Variants in PLG observed in about 807,000 individuals in gnomAD.
The protein encoded by PLG is plasminogen, also known as plasmin.
A neutral mutation model predicts 104.4 loss-of-function variants in PLG; 41 were observed. That is an observed-to-expected ratio of 0.39 (90% CI 0.31 to 0.51). PLG has a LOEUF of 0.51. Among genes scored for constraint, PLG ranks in the 20% least tolerant of loss-of-function variants. The probability of loss-of-function intolerance (pLI) is 0.76; values close to 1 mark genes in which losing one functional copy is unlikely to be tolerated. For synonymous variants in PLG, 337 were observed against 357.1 expected, an observed-to-expected ratio of 0.94 and a Z score of 0.63; for missense variants, 891 against 1,003.6, an observed-to-expected ratio of 0.89 and a Z score of 1.52.
rs1424110924 is a variant in PLG, at chr6:160,724,715, T to A, written c.1256+2148T>A. Reference sequence around the variant, plus strand: ...TAGAAAAAAATAAAAAAGATTAACATAGAATGTTATATCCAGCAAAAATAT... The same window carrying A: ...TAGAAAAAAATAAAAAAGATTAACAAAGAATGTTATATCCAGCAAAAATAT... On this transcript the variant is annotated intron_variant, in intron 10 of 18. Coordinates refer to ENST00000308192, the MANE Select transcript of PLG (RefSeq NM_000301.5). The surrounding 1 kb of genome is among the most constrained non-coding windows in gnomAD (Gnocchi z 5.0). 6.6e-6 allele frequency among the ~76,000 whole-genome samples: 1 copy of A among 152,152 alleles called. No homozygotes were observed. Among genetic ancestry groups the A allele is most frequent in the Non-Finnish European group, 1.5e-5 (1 of 68,022 alleles).
At chr6:160,727,737 G>A (rs148000111) in intron 10 of PLG, among the ~76,000 whole-genome samples, 19 of 152,020 alleles carry the variant, frequency 1.2e-4, no homozygotes, top group African/African-American at 3.4e-4. Context: ...ACTTATCCAT[G>A]ATAAAATGTC....
rs1323604038 is a variant in PLG at position 160,735,520 on chromosome 6, T to G, written c.1682-1367T>G. On this transcript the variant is annotated intron_variant, in intron 13 of 18. Transcript: ENST00000308192. This position sits in a 1 kb window ranked among gnomAD's most constrained non-coding sequence, Gnocchi z 5.4. ...GACTGTGAGGTCCCCCACCTAACCT[T>G]GATGTGAGACAAGTGAGGTTAACCC... Among the ~76,000 whole-genome samples the G allele has an allele frequency of 6.6e-6, 1 of 152,130 alleles. No individual in the cohort carries two copies. Among genetic ancestry groups the G allele is most frequent in the African/African-American group, 2.4e-5 (1 of 41,434 alleles).
chr6:160,715,855 G>C (rs1777719239), intron 6 of PLG, among the ~76,000 whole-genome samples: 1 of 152,242 alleles, frequency 6.6e-6, no homozygotes, highest in South Asian at 2.1e-4. Context: ...GAAGAGGATT[G>C]CTTAAGCCGC....
intron 17 of PLG, among the ~76,000 whole-genome samples, chr6:160,751,351 C>G (rs1158198793): frequency 6.6e-6 from 1 of 152,190 alleles, no homozygotes; most frequent in Non-Finnish European, 1.5e-5. Flanking sequence ...CCTCCTTACG[C>G]CTCAGTTTCC....
At position 160,739,811 on chromosome 6, in the gene PLG, C is replaced by A. The variant is rs1778158666; in HGVS notation, c.2018+603C>A. On this transcript the variant is annotated intron_variant, in intron 16 of 18. Coordinates refer to ENST00000308192, the MANE Select transcript of PLG (RefSeq NM_000301.5). The surrounding 1 kb of genome is among the most constrained non-coding windows in gnomAD (Gnocchi z 4.4). ...AAAACAAACAAAAAAAAAACAACTT[C>A]ACAATGTCAAAAAAATCACAAATAC... is the stretch of plus-strand genomic sequence containing the variant. Among the ~76,000 whole-genome samples the A allele has an allele frequency of 1.3e-5, 2 of 150,524 alleles. No individual in the cohort carries two copies. Among genetic ancestry groups the A allele is most frequent in the Non-Finnish European group, 1.5e-5 (1 of 67,714 alleles).
At position 160,732,070 on chromosome 6, in the gene PLG, G is replaced by A. The variant is rs1010922533; in HGVS notation, c.1587+177G>A. Among the ~76,000 whole-genome samples, 2 of 152,166 alleles carry A rather than the reference G, an allele frequency of 1.3e-5. No individual in the cohort carries two copies. The highest frequency in any genetic ancestry group is 1.3e-4 in the Admixed American group (2 of 15,286). ...CTAAGCTAGAATATAATTGGCCTTA[G>A]TATGGAAAGTACAAGCAGCACAGGC... On this transcript the variant is annotated intron_variant, in intron 12 of 18. Coordinates refer to ENST00000308192, the MANE Select transcript of PLG (RefSeq NM_000301.5). The surrounding 1 kb of genome is among the most constrained non-coding windows in gnomAD (Gnocchi z 4.5).
rs1003082787 is a variant in PLG at position 160,744,424 on chromosome 6, T to A, written c.2125+3007T>A. Among the ~76,000 whole-genome samples the A allele has an allele frequency of 2.6e-5, 4 of 152,224 alleles. No individual in the cohort carries two copies. Among genetic ancestry groups the A allele is most frequent in the African/African-American group, 9.6e-5 (4 of 41,464 alleles). On this transcript the variant is annotated intron_variant, in intron 17 of 18. Coordinates refer to ENST00000308192, the MANE Select transcript of PLG (RefSeq NM_000301.5). The surrounding 1 kb of genome is among the most constrained non-coding windows in gnomAD (Gnocchi z 4.5). Reference sequence around the variant, plus strand: ...TGTCCAGGAATTTATCCATCTCTTTTAGGTTTTCTAGTTTGTGTGCATGGA... The same window carrying A: ...TGTCCAGGAATTTATCCATCTCTTTAAGGTTTTCTAGTTTGTGTGCATGGA...
In PLG at chr6:160,711,812, T is replaced by C. The variant is rs969716483; in HGVS notation, c.407+621T>C. 2.8e-5 allele frequency: 42 copies of C among 1,507,098 alleles called. No individual in the cohort carries two copies. In the African/African-American group the frequency reaches 5.7e-4, roughly 20 times the overall value. The allele number at this position is 1,507,098 out of a possible 1,614,324, so 93.4% of individuals were successfully genotyped here. Reference sequence around the variant, plus strand: ...TAAGCATATCAGGTTAGAACTCTCATCACATGTTCGACTCAAATTGTGGAG... The same window carrying C: ...TAAGCATATCAGGTTAGAACTCTCACCACATGTTCGACTCAAATTGTGGAG... On this transcript the variant is annotated intron_variant, in intron 4 of 18. Coordinates refer to ENST00000308192, the MANE Select transcript of PLG (RefSeq NM_000301.5).
In PLG at chr6:160,736,892, C is replaced by T; in HGVS notation, c.1687C>T (p.Pro563Ser). 6.2e-7 allele frequency: 1 copy of T among 1,613,886 alleles called. No homozygotes were observed. Among genetic ancestry groups the T allele is most frequent in the Non-Finnish European group, 8.5e-7 (1 of 1,179,866 alleles). ...DYCDVPQCAAPSFDCGKPQVE... is the reference protein window; with the variant it reads ...DYCDVPQCAASSFDCGKPQVE... ...TTTCCCACCTTGTGCCACAGCGGCC[C>T]CTTCATTTGATTGTGGGAAGCCTCA... Residue 563 changes from proline to serine, a missense_variant, in exon 14 of 19, where the codon CCT becomes TCT. Physicochemically the swap from Pro to Ser is moderately conservative, Grantham distance 74. This residue lies in a region of PLG where 854 missense variants were observed against 932.1 expected (regional missense o/e 0.92). Transcript: ENST00000308192. The surrounding 1 kb of genome is among the most constrained non-coding windows in gnomAD (Gnocchi z 5.2).
At chr6:160,704,907 C>T (rs1359404147) in intron 1 of PLG, among the ~76,000 whole-genome samples, 1 of 152,218 alleles carries the variant, frequency 6.6e-6, no homozygotes, top group Admixed American at 6.5e-5. Context: ...TGCTTTCCTA[C>T]TGGATACTTG....
At position 160,714,891 on chromosome 6, in the gene PLG, C is replaced by G; in HGVS notation, c.645C>G (p.His215Gln). 6.2e-7 allele frequency: 1 copy of G among 1,613,722 alleles called. No homozygotes were observed. Among genetic ancestry groups the G allele is most frequent in the Non-Finnish European group, 8.5e-7 (1 of 1,179,682 alleles). Residue 215 changes from histidine (H) to glutamine (Q), a missense_variant, in exon 6 of 19, where the codon CAC (histidine) becomes CAG (glutamine). Transcript: ENST00000308192. Reference sequence around the variant, plus strand: ...AGGCCTGGGACTCTCAGAGCCCACACGCTCATGGATACATTCCTTCCAAGT... The same window carrying G: ...AGGCCTGGGACTCTCAGAGCCCACAGGCTCATGGATACATTCCTTCCAAGT... The part of the protein sequence containing the change: ...ECQAWDSQSP[H>Q]AHGYIPSKFP...
intron 17 of PLG, among the ~76,000 whole-genome samples, chr6:160,749,232 A>C (rs907527233): frequency 6.6e-6 from 1 of 152,154 alleles, no homozygotes; most frequent in Non-Finnish European, 1.5e-5. Flanking sequence ...GGTCATTGTG[A>C]GGATTAAGAT....
rs1562379511 is a variant in PLG, at chr6:160,735,008, C to T, written c.1681+920C>T. Among the ~76,000 whole-genome samples, 2 of 152,088 alleles carry T rather than the reference C, an allele frequency of 1.3e-5. No homozygotes were observed. The highest frequency in any genetic ancestry group is 2.9e-5 in the Non-Finnish European group (2 of 68,032). On this transcript the variant is annotated intron_variant, in intron 13 of 18. Transcript: ENST00000308192. The surrounding 1 kb of genome is among the most constrained non-coding windows in gnomAD (Gnocchi z 5.4). ...AGTGATGAAGATCATGGGAGCCACA[C>T]TGCCCAGCTTCGCATTTGGGCTTCT... is the stretch of plus-strand genomic sequence containing the variant.
rs1778081020 is a variant in PLG, at chr6:160,736,191, T to A, written c.1682-696T>A. On this transcript the variant is annotated intron_variant, in intron 13 of 18. Transcript: ENST00000308192. The surrounding 1 kb of genome is among the most constrained non-coding windows in gnomAD (Gnocchi z 5.2). ...GGTACCAAAGATGGGACACTGTCCC[T>A]ACCTCCAGAGACCCTGTGGGCTGGC... Among the ~76,000 whole-genome samples, 2 of 152,204 alleles carry A rather than the reference T, an allele frequency of 1.3e-5. No individual in the cohort carries two copies.
At chr6:160,704,362 G>A (rs189458646) in intron 1 of PLG, among the ~76,000 whole-genome samples, 1 of 152,172 alleles carries the variant, frequency 6.6e-6, no homozygotes, top group Non-Finnish European at 1.5e-5. Flanking sequence ...ATAACACAGA[G>A]AACTTAATTG....
rs1370714248 is a variant in PLG at position 160,739,048 on chromosome 6, G to C, written c.1878-20G>C. 1 of 1,613,784 alleles carries C rather than the reference G, an allele frequency of 6.2e-7. No individual in the cohort carries two copies. Among genetic ancestry groups the C allele is most frequent in the Non-Finnish European group, 8.5e-7 (1 of 1,179,810 alleles). On this transcript the variant is annotated intron_variant, in intron 15 of 18. Transcript: ENST00000308192. The surrounding 1 kb of genome is among the most constrained non-coding windows in gnomAD (Gnocchi z 4.4). ...AGGGGCTGGACCATATTTTCCTCTT[G>C]ACGTCCTCATCTTTTCTAGGTCCCC...
Position 160,752,338 on chromosome 6 carries a change from G to A in PLG, c.2271+78G>A, listed in dbSNP as rs1778417846. The stretch of plus-strand genomic sequence containing the variant: ...TCAGCCCCTCAGACTTCATTCCCCA[G>A]GTGGCAAATTCAAGGATTTTCAACC... On this transcript the variant is annotated intron_variant, in intron 18 of 18. Transcript: ENST00000308192. This position sits in a 1 kb window ranked among gnomAD's most constrained non-coding sequence, Gnocchi z 4.7. 17 of 1,379,482 alleles carry A rather than the reference G, an allele frequency of 1.2e-5. No homozygotes were observed. The Admixed American group carries it at 2.5e-4, about 21-fold the overall frequency. The allele number at this position is 1,379,482 out of a possible 1,614,324, so 85.5% of individuals were successfully genotyped here.
Position 160,703,402 on chromosome 6 carries a change from C to T in PLG, c.49+1049C>T, listed in dbSNP as rs1456466598. 7.2e-5 allele frequency among the ~76,000 whole-genome samples: 11 copies of T among 152,258 alleles called. No individual in the cohort carries two copies. In the South Asian group the frequency reaches 2.3e-3, roughly 32 times the overall value. On this transcript the variant is annotated intron_variant, in intron 1 of 18. Coordinates refer to ENST00000308192, the MANE Select transcript of PLG (RefSeq NM_000301.5). ...ATAAATTTTAAAACTATTCATACCC[C>T]CAAAAACGCACTCCACTCTCCTTAG... is the stretch of plus-strand genomic sequence containing the variant.
rs1432332099 is a variant in PLG at position 160,735,230 on chromosome 6, C to T, written c.1681+1142C>T. Among the ~76,000 whole-genome samples, 1 of 152,178 alleles carries T rather than the reference C, an allele frequency of 6.6e-6. No individual in the cohort carries two copies. Among genetic ancestry groups the T allele is most frequent in the Non-Finnish European group, 1.5e-5 (1 of 68,034 alleles). On this transcript the variant is annotated intron_variant, in intron 13 of 18. Transcript: ENST00000308192. The surrounding 1 kb of genome is among the most constrained non-coding windows in gnomAD (Gnocchi z 5.4). ...GTCAGTTCCAGTTCTCCACTTCTGG[C>T]CCCATCTGGTACACACCACTGCCTC... is the stretch of plus-strand genomic sequence containing the variant.
Sources: gnomAD v4.1 joint callset for allele counts (sites outside exome capture counted in the v4.1 genomes callset) on GRCh38, gnomAD v4.1.1 for gene constraint, gnomAD v4.1.1 regional missense constraint, Gnocchi (gnomAD v3.1) non-coding constraint, MANE v1.5 for transcripts, NCBI Gene and HGNC (gene_info 2026-07-23, HGNC 2026-07-21) for gene names.